HOMER1: variants seen among roughly 807,000 people sequenced by gnomAD.
HOMER1 encodes the protein homer protein homolog 1.
In HOMER1, 3 loss-of-function variants were observed where a neutral mutation model predicts 48.9. The observed-to-expected ratio is 0.06, with a 90% CI of 0.03 to 0.16. The LOEUF (loss-of-function observed/expected upper bound fraction) is 0.16. HOMER1 is among the 10% of genes least tolerant of loss of function. The pLI, the probability that HOMER1 is intolerant of heterozygous loss-of-function variation, is 1.00. For synonymous variants in HOMER1, 134 were observed against 146.4 expected, an observed-to-expected ratio of 0.92 and a Z score of 0.61; for missense variants, 247 against 411.4, an observed-to-expected ratio of 0.60 and a Z score of 3.46.
In HOMER1 at chr5:79,384,888, A is replaced by G. The variant is rs539096497; in HGVS notation, c.877-8691T>C. Among the ~76,000 whole-genome samples the G allele has an allele frequency of 4.0e-4, 61 of 152,296 alleles. 1 individual carries two copies. The South Asian group carries it at 0.012, about 31-fold the overall frequency. On this transcript the variant is annotated intron_variant, in intron 8 of 8. Transcript: ENST00000334082. ...TACATCCCATCAACAGAATGAAGGA[A>G]AAAAATATGATCATCAATAGATGCA...
chr5:79,494,358 C>T (rs917933976), intron 1 of HOMER1, among the ~76,000 whole-genome samples: 2 of 152,204 alleles, frequency 1.3e-5, no homozygotes, highest in African/African-American at 4.8e-5. Flanking sequence ...TGTCATCTCA[C>T]CTTGCTACAA....
intron 2 of HOMER1, among the ~76,000 whole-genome samples, chr5:79,451,584 T>TA (rs1751029329): frequency 7.5e-6 from 1 of 132,696 alleles, no homozygotes; most frequent in African/African-American, 3.2e-5. Flanking sequence ...TTTTTTTTTT[T>TA]AGATGGAGTC....
Position 79,402,468 on chromosome 5 carries a change from C to T in HOMER1, c.528-413G>A, listed in dbSNP as rs1749557674. 1.3e-5 allele frequency among the ~76,000 whole-genome samples: 2 copies of T among 152,062 alleles called. 1 individual carries two copies. Among genetic ancestry groups the T allele is most frequent in the South Asian group, 4.1e-4 (2 of 4,824 alleles). ...ACAGGCGTGAGCCACTGTGACCAGC[C>T]CTAAGAATGTTTTCAAAGACAACCT... On this transcript the variant is annotated intron_variant, in intron 5 of 8. Transcript: ENST00000334082.
At chr5:79,426,701 T>C (rs148301974) in intron 5 of HOMER1, among the ~76,000 whole-genome samples, 22 of 152,088 alleles carry the variant, frequency 1.4e-4, no homozygotes, top group African/African-American at 4.3e-4. Context: ...AATAGTTAGA[T>C]AGAAGAAGTA....
At chr5:79,422,093 G>A (rs1197932858) in intron 5 of HOMER1, among the ~76,000 whole-genome samples, 1 of 151,952 alleles carries the variant, frequency 6.6e-6, no homozygotes, top group Non-Finnish European at 1.5e-5. Flanking sequence ...TAGGCATGGT[G>A]GTGCACGTCT....
intron 5 of HOMER1, among the ~76,000 whole-genome samples, chr5:79,432,940 G>C (rs1421987639): frequency 6.6e-6 from 1 of 152,028 alleles, no homozygotes; most frequent in Admixed American, 6.5e-5. Flanking sequence ...TAGTTTTTGA[G>C]GTTTGATAGT....
chr5:79,503,648 C>T (rs1465390503), intron 1 of HOMER1, among the ~76,000 whole-genome samples: 1 of 151,340 alleles, frequency 6.6e-6, no homozygotes, highest in African/African-American at 2.4e-5. Context: ...CAAGACCAGC[C>T]TGGCCAACAT....
chr5:79,509,921 T>C, intron 1 of HOMER1, among the ~76,000 whole-genome samples: 1 of 152,324 alleles, frequency 6.6e-6, no homozygotes, highest in Middle Eastern at 3.4e-3. Context: ...TTACCCACAG[T>C]ATTAAATTTT....
At position 79,375,857 on chromosome 5, in the gene HOMER1, T is replaced by C. The variant is rs753327484; in HGVS notation, c.*152A>G. 5.4e-5 allele frequency: 25 copies of C among 463,982 alleles called. No individual in the cohort carries two copies. The highest frequency in any genetic ancestry group is 7.7e-5 in the Non-Finnish European group (21 of 272,264). 28.7% of individuals were successfully genotyped at this position (463,982 alleles called of 1,614,324 possible). ...GGATTCTAAAATTTACAGTGAAATA[T>C]ACAATTCCAATTTCAAAAGATCCTC... is the stretch of plus-strand genomic sequence containing the variant. On this transcript the variant is annotated 3_prime_UTR_variant, in exon 9 of 9. Transcript: ENST00000334082.
chr5:79,424,254 T>G (rs1408168519), intron 5 of HOMER1, among the ~76,000 whole-genome samples: 1 of 152,042 alleles, frequency 6.6e-6, no homozygotes, highest in East Asian at 1.9e-4. Context: ...CTAAATATTT[T>G]AATCAAAAAA....
intron 4 of HOMER1, among the ~76,000 whole-genome samples, chr5:79,443,666 T>C (rs890780073): frequency 2.6e-5 from 4 of 152,220 alleles, no homozygotes; most frequent in African/African-American, 9.6e-5. Flanking sequence ...TACTTTCTAA[T>C]CCTCATTTAA....
intron 5 of HOMER1, among the ~76,000 whole-genome samples, chr5:79,425,733 T>A (rs1750230666): frequency 6.6e-6 from 1 of 151,964 alleles, no homozygotes; most frequent in African/African-American, 2.4e-5. Flanking sequence ...GTTCTTCACA[T>A]AACTTAACAA....
intron 1 of HOMER1, among the ~76,000 whole-genome samples, chr5:79,473,647 G>A (rs185902391): frequency 7.3e-4 from 111 of 152,250 alleles, no homozygotes; most frequent in Non-Finnish European, 1.3e-3. Context: ...ATATGAAAGA[G>A]TTCTAGAATC....
At chr5:79,433,823 T>C (rs566019863) in intron 5 of HOMER1, among the ~76,000 whole-genome samples, 1 of 152,318 alleles carries the variant, frequency 6.6e-6, no homozygotes, top group South Asian at 2.1e-4. Context: ...ATGTCATACA[T>C]TGTGATAAAA....
At chr5:79,417,432 G>A (rs1418755967) in intron 5 of HOMER1, among the ~76,000 whole-genome samples, 3 of 152,156 alleles carry the variant, frequency 2.0e-5, no homozygotes, top group Non-Finnish European at 2.9e-5. Context: ...GTGAGCCACC[G>A]CACCCGGCCG....
intron 1 of HOMER1, among the ~76,000 whole-genome samples, chr5:79,491,105 A>AAAAAAAAAT: frequency 8.3e-6 from 1 of 121,098 alleles, no homozygotes; most frequent in Non-Finnish European, 1.6e-5. Flanking sequence ...AAAAAAAAAA[A>AAAAAAAAAT]AAAAAGCTTG....
chr5:79,407,729 G>C (rs1200907197), intron 5 of HOMER1, among the ~76,000 whole-genome samples: 1 of 152,148 alleles, frequency 6.6e-6, no homozygotes, highest in Non-Finnish European at 1.5e-5. Flanking sequence ...AATCATAGAA[G>C]GAGAAGAGAG....
chr5:79,395,267 T>C (rs1332163859), intron 8 of HOMER1, among the ~76,000 whole-genome samples: 1 of 152,166 alleles, frequency 6.6e-6, no homozygotes, highest in East Asian at 1.9e-4. Context: ...CTTGACTGAA[T>C]TTCCCCCTTT....
intron 1 of HOMER1, among the ~76,000 whole-genome samples, chr5:79,505,268 T>G (rs1216722245): frequency 6.6e-6 from 1 of 151,710 alleles, no homozygotes; most frequent in African/African-American, 2.4e-5. Flanking sequence ...CAAAAAAGAC[T>G]CCCCAACTAG....
Sources: allele counts gnomAD v4.1 joint callset (sites outside exome capture counted in the v4.1 genomes callset), GRCh38; gene constraint gnomAD v4.1.1; transcripts MANE v1.5; gene names NCBI Gene and HGNC (gene_info 2026-07-23, HGNC 2026-07-21).